Variants in AQP9 observed in about 807,000 individuals in gnomAD.
The protein encoded by AQP9 is aquaporin 9, also known as aquaporin-9.
In AQP9, 19 loss-of-function variants were observed where a neutral mutation model predicts 23.8. The ratio of observed to expected loss-of-function variants is 0.80; its 90% CI spans 0.56 to 1.17. AQP9 has a LOEUF of 1.17. AQP9 is among the 50% of genes most tolerant of loss of function. AQP9 has a pLI of 0.00. For missense variants in AQP9, 413 were observed against 362.0 expected (o/e 1.14, Z -1.14); for synonymous variants, 153 against 131.5 (o/e 1.16, Z -1.12).
At chr15:58,156,994 A>G (rs1468010105) in intron 1 of AQP9, among the ~76,000 whole-genome samples, 1 of 152,234 alleles carries the variant, frequency 6.6e-6, no homozygotes, top group Admixed American at 6.5e-5. Context: ...GGATTAAATG[A>G]GAATATACAT....
intron 1 of AQP9, among the ~76,000 whole-genome samples, chr15:58,165,037 C>T (rs1387306828): frequency 6.6e-6 from 1 of 151,960 alleles, no homozygotes; most frequent in Non-Finnish European, 1.5e-5. Flanking sequence ...GAAATATTTC[C>T]TCATATGCTC....
intron 1 of AQP9, chr15:58,155,154 A>G (rs1455025918): frequency 6.6e-6 from 1 of 152,240 alleles, no homozygotes; most frequent in African/African-American, 2.4e-5. Flanking sequence ...CCTTCTCTTC[A>G]ATCACCAATA....
intron 5 of AQP9, 110 bp from the exon 6 acceptor site, chr15:58,183,851 T>G: frequency 7.8e-7 from 1 of 1,274,960 alleles, no homozygotes; most frequent in Non-Finnish European, 1.1e-6. Context: ...TCTTGCTGAG[T>G]TAAGAGGGAA....
At chr15:58,153,351 T>C (rs1320067334) in intron 1 of AQP9, 3 of 152,198 alleles carry the variant, frequency 2.0e-5, no homozygotes, top group Non-Finnish European at 4.4e-5. Context: ...ACTCTAGCAC[T>C]ATAGTTGTAC....
chr15:58,160,741 G>A (rs893814991), intron 1 of AQP9, among the ~76,000 whole-genome samples: 9 of 152,136 alleles, frequency 5.9e-5, no homozygotes, highest in Non-Finnish European at 1.2e-4. Flanking sequence ...ATGTGCAGAC[G>A]TGATAGAGTA....
chr15:58,166,455 T>C (rs1898505013), intron 1 of AQP9, among the ~76,000 whole-genome samples: 1 of 152,254 alleles, frequency 6.6e-6, no homozygotes, highest in Non-Finnish European at 1.5e-5. Flanking sequence ...CTGAGCATTG[T>C]GCAGGTGCAG....
At chr15:58,138,821 G>A in intron 1 of AQP9, 145 bp downstream of exon 1, 1 of 686,016 alleles carries the variant, frequency 1.5e-6, no homozygotes, top group Non-Finnish European at 2.4e-6. Context: ...AGTTACTAGA[G>A]GCTGTTTGAC....
At chr15:58,172,136 A>T (rs916370343) in intron 2 of AQP9, among the ~76,000 whole-genome samples, 10 of 152,210 alleles carry the variant, frequency 6.6e-5, no homozygotes, top group African/African-American at 2.2e-4. Context: ...TCTAGAATTC[A>T]GATAAACCTG....
intron 2 of AQP9, among the ~76,000 whole-genome samples, chr15:58,169,682 A>C (rs548803201): frequency 6.6e-6 from 1 of 152,320 alleles, no homozygotes; most frequent in South Asian, 2.1e-4. Flanking sequence ...TTGTCTTTTA[A>C]ATATAAAACA....
At chr15:58,141,204 G>A (rs1595724426) in intron 1 of AQP9, among the ~76,000 whole-genome samples, 1 of 152,248 alleles carries the variant, frequency 6.6e-6, no homozygotes, top group African/African-American at 2.4e-5. Flanking sequence ...ATTTCTCACA[G>A]GGACTATGCT....
chr15:58,181,824 T>C (rs1898894725), intron 5 of AQP9, among the ~76,000 whole-genome samples: 1 of 152,092 alleles, frequency 6.6e-6, no homozygotes, highest in Admixed American at 6.5e-5. Context: ...AGAAACCCAT[T>C]AGGAAAGAGC....
intron 2 of AQP9, among the ~76,000 whole-genome samples, chr15:58,172,072 C>G (rs565132518): frequency 2.0e-5 from 3 of 152,280 alleles, no homozygotes; most frequent in East Asian, 1.9e-4. Flanking sequence ...AGCAGAGAAG[C>G]CTTTATAAAC....
chr15:58,180,985 G>A (rs182186066), intron 5 of AQP9, among the ~76,000 whole-genome samples: 30 of 152,178 alleles, frequency 2.0e-4, no homozygotes, highest in African/African-American at 4.1e-4. Context: ...CCCAGAATTC[G>A]CCCATGAGTT....
At chr15:58,164,721 C>G (rs1469651276) in intron 1 of AQP9, among the ~76,000 whole-genome samples, 1 of 152,024 alleles carries the variant, frequency 6.6e-6, no homozygotes, top group Non-Finnish European at 1.5e-5. Flanking sequence ...GAACTGGGGA[C>G]TAGAAGGGAC....
chr15:58,150,828 C>T (rs1205182554), intron 1 of AQP9: 1 of 152,152 alleles, frequency 6.6e-6, no homozygotes, highest in Non-Finnish European at 1.5e-5. Context: ...TTAGAAATTG[C>T]TCTACTACTG....
At chr15:58,152,510 G>A (rs1898170255) in intron 1 of AQP9, 1 of 152,062 alleles carries the variant, frequency 6.6e-6, no homozygotes, top group Non-Finnish European at 1.5e-5. Context: ...TTTGCATACT[G>A]TAAATATAGT....
chr15:58,152,278 A>C (rs1233742639), intron 1 of AQP9: 1 of 152,170 alleles, frequency 6.6e-6, no homozygotes, highest in Non-Finnish European at 1.5e-5. Context: ...CTTCATCACT[A>C]TGGCTTTATT....
intron 1 of AQP9, among the ~76,000 whole-genome samples, chr15:58,160,628 A>C (rs533844339): frequency 7.8e-6 from 1 of 127,720 alleles, no homozygotes; most frequent in Non-Finnish European, 1.8e-5. Flanking sequence ...GTTTTCCTCC[A>C]ATTAACCTGA....
chr15:58,162,066 C>T (rs962760416), intron 1 of AQP9, among the ~76,000 whole-genome samples: 11 of 152,150 alleles, frequency 7.2e-5, no homozygotes, highest in Non-Finnish European at 1.6e-4. Flanking sequence ...AATAACATTC[C>T]ATGGCTAAGT....
Sources: allele counts gnomAD v4.1 joint callset (sites outside exome capture counted in the v4.1 genomes callset), GRCh38; gene constraint gnomAD v4.1.1; transcripts MANE v1.5; gene names NCBI Gene and HGNC (gene_info 2026-07-23, HGNC 2026-07-21).